Variants in MICAL2 observed in about 807,000 individuals in gnomAD.
MICAL2 encodes the protein microtubule associated monooxygenase, calponin and LIM domain containing 2.
In MICAL2, 77 loss-of-function variants were observed where a neutral mutation model predicts 127.3. That is an observed-to-expected ratio of 0.60 (90% confidence interval 0.50 to 0.73). MICAL2 has a LOEUF of 0.73. MICAL2 is among the 30% of genes least tolerant of loss of function. The pLI, the probability that MICAL2 is intolerant of heterozygous loss-of-function variation, is 0.00. For synonymous variants in MICAL2, 570 were observed against 551.1 expected (o/e 1.03, Z -0.48); for missense variants, 1,351 against 1,434.4 (o/e 0.94, Z 0.94).
upstream of MICAL2, among the ~76,000 whole-genome samples, chr11:12,271,114 A>G (rs528595060): frequency 1.8e-4 from 28 of 152,276 alleles, no homozygotes; most frequent in South Asian, 5.4e-3. Flanking sequence ...TTGAAGTCCT[A>G]TCTTTTGTCA....
chr11:12,306,558 C>A (rs1864112243), intron 29 of MICAL2, among the ~76,000 whole-genome samples: 1 of 152,136 alleles, frequency 6.6e-6, no homozygotes. Flanking sequence ...CTTCCAAAAT[C>A]AAAATAGAGA....
chr11:12,316,648 A>T (rs1294278792), intron 29 of MICAL2, among the ~76,000 whole-genome samples: 2 of 148,988 alleles, frequency 1.3e-5, no homozygotes, highest in Non-Finnish European at 3.0e-5. Flanking sequence ...TTTATTGACA[A>T]ATTTTTCTCT....
intron 3 of MICAL2, chr11:12,196,349 T>C (rs1482236822): frequency 3.3e-5 from 5 of 152,010 alleles, no homozygotes; most frequent in Admixed American, 2.0e-4. Context: ...GTTATGTGAG[T>C]AATGCGTATT....
chr11:12,342,704 A>G (rs1158329907), intron 32 of MICAL2, among the ~76,000 whole-genome samples: 2 of 152,206 alleles, frequency 1.3e-5, no homozygotes, highest in African/African-American at 4.8e-5. Flanking sequence ...ATTTAATCCA[A>G]TTTATAAGGT....
intron 29 of MICAL2, among the ~76,000 whole-genome samples, chr11:12,316,492 A>G (rs1307081537): frequency 6.6e-6 from 1 of 151,198 alleles, no homozygotes; most frequent in Non-Finnish European, 1.5e-5. Flanking sequence ...AAATGCTCCT[A>G]ATTTTCCTAT....
intron 23 of MICAL2, chr11:12,256,354 G>C (rs927492143): frequency 6.1e-6 from 1 of 163,156 alleles, no homozygotes; most frequent in African/African-American, 2.4e-5. Context: ...CAGGGGAACA[G>C]GACACCTAAA....
At chr11:12,258,436 A>G in intron 24 of MICAL2, 32 bp from the exon 25 acceptor site, 3 of 1,582,182 alleles carry the variant, frequency 1.9e-6, no homozygotes, top group South Asian at 1.1e-5. Context: ...CAGGAGAAAA[A>G]TTTTTCTGTA....
intron 29 of MICAL2, among the ~76,000 whole-genome samples, chr11:12,310,255 C>T (rs1032379863): frequency 1.3e-5 from 2 of 152,088 alleles, no homozygotes; most frequent in African/African-American, 4.8e-5. Context: ...TTTGCCCAGA[C>T]CAATGTCCTA....
chr11:12,319,909 C>T (rs1177179192), intron 30 of MICAL2: 2 of 834,722 alleles, frequency 2.4e-6, no homozygotes, highest in African/African-American at 3.4e-5. Context: ...CAGTGGTTTC[C>T]TTAGGAGGAT....
downstream of MICAL2, among the ~76,000 whole-genome samples, chr11:12,265,851 C>T (rs1329641625): frequency 6.6e-6 from 1 of 152,128 alleles, no homozygotes; most frequent in Non-Finnish European, 1.5e-5. Context: ...TGCGGTAGCT[C>T]ACACCTGTAA....
At chr11:12,116,938 G>A (rs1020609119) in intron 1 of MICAL2, 5 of 152,210 alleles carry the variant, frequency 3.3e-5, no homozygotes, top group Admixed American at 6.5e-5. Context: ...GATAGTGCTG[G>A]TGTTTTTAGG....
At chr11:12,223,631 G>T in intron 12 of MICAL2, 130 bp downstream of exon 12, 1 of 731,726 alleles carries the variant, frequency 1.4e-6, no homozygotes, top group South Asian at 1.7e-5. Flanking sequence ...TGTGGTCATG[G>T]GCAGGCACCT....
chr11:12,163,171 G>A (rs1855040880), intron 3 of MICAL2, among the ~76,000 whole-genome samples: 1 of 152,146 alleles, frequency 6.6e-6, no homozygotes, highest in Non-Finnish European at 1.5e-5. Context: ...GACAGCATCG[G>A]CGAACATAGG....
chr11:12,258,835 G>T (rs999671513), intron 25 of MICAL2, among the ~76,000 whole-genome samples: 6 of 152,382 alleles, frequency 3.9e-5, no homozygotes, highest in Non-Finnish European at 7.3e-5. Flanking sequence ...CAGGGATGGG[G>T]TGATATGCTT....
chr11:12,331,950 A>G (rs976575171), intron 32 of MICAL2, among the ~76,000 whole-genome samples: 6 of 152,064 alleles, frequency 3.9e-5, no homozygotes, highest in Non-Finnish European at 8.8e-5. Flanking sequence ...TTGTAACTAT[A>G]CTCCCTACAA....
intron 2 of MICAL2, among the ~76,000 whole-genome samples, chr11:12,151,771 A>G (rs1267219843): frequency 3.9e-5 from 6 of 152,186 alleles, no homozygotes; most frequent in South Asian, 2.1e-4. Flanking sequence ...CTTGGATTCC[A>G]TGACTTAGAA....
chr11:12,194,676 G>A (rs1347081747), intron 3 of MICAL2, among the ~76,000 whole-genome samples: 1 of 151,996 alleles, frequency 6.6e-6, no homozygotes, highest in Non-Finnish European at 1.5e-5. Flanking sequence ...AAGACCCTGT[G>A]TCTTTTGTTC....
At chr11:12,341,120 G>A (rs1366949788) in intron 32 of MICAL2, among the ~76,000 whole-genome samples, 3 of 152,188 alleles carry the variant, frequency 2.0e-5, no homozygotes, top group Non-Finnish European at 4.4e-5. Context: ...GAGCTCCAGA[G>A]TGGAGTGCTG....
intron 33 of MICAL2, chr11:12,350,038 T>C: frequency 1.2e-6 from 1 of 841,010 alleles, no homozygotes; most frequent in Non-Finnish European, 1.9e-6. Flanking sequence ...TTTCTCCTTG[T>C]GCATACAGAA....
Sources: allele counts gnomAD v4.1 joint callset (sites outside exome capture counted in the v4.1 genomes callset), GRCh38; gene constraint gnomAD v4.1.1; transcripts MANE v1.5; gene names NCBI Gene and HGNC (gene_info 2026-07-23, HGNC 2026-07-21).